Variants in PLEKHM3 observed in about 807,000 individuals in gnomAD.
PLEKHM3 encodes pleckstrin homology domain containing M3.
Under a neutral mutation model 81.8 loss-of-function variants are expected in PLEKHM3, and 45 were observed. That is an observed-to-expected ratio of 0.55 (90% CI 0.43 to 0.71). The LOEUF is 0.71. Among genes scored for constraint, PLEKHM3 ranks in the 30% least tolerant of loss-of-function variants. The pLI, the probability that PLEKHM3 is intolerant of heterozygous loss-of-function variation, is 0.00. For synonymous variants in PLEKHM3, 352 were observed against 356.4 expected (o/e 0.99, Z 0.14); for missense variants, 788 against 924.3 (o/e 0.85, Z 1.91).
At chr2:207,953,774 A>G (rs1307450973) in intron 3 of PLEKHM3, among the ~76,000 whole-genome samples, 2 of 150,826 alleles carry the variant, frequency 1.3e-5, no homozygotes, top group African/African-American at 2.4e-5. Context: ...CAGTGAGCTG[A>G]GATTGTGCCA....
At chr2:207,906,478 G>C (rs1464255046) in intron 6 of PLEKHM3, among the ~76,000 whole-genome samples, 1 of 152,190 alleles carries the variant, frequency 6.6e-6, no homozygotes, top group Non-Finnish European at 1.5e-5. Flanking sequence ...CTAACATCAT[G>C]TCTGCCATTT....
At chr2:207,948,276 C>G (rs562136519) in intron 3 of PLEKHM3, among the ~76,000 whole-genome samples, 1 of 151,744 alleles carries the variant, frequency 6.6e-6, no homozygotes, top group African/African-American at 2.4e-5. Context: ...TGGCATTTAG[C>G]GCGTGCCTCT....
intron 5 of PLEKHM3, among the ~76,000 whole-genome samples, chr2:207,913,532 C>A (rs1688878005): frequency 2.0e-5 from 3 of 152,046 alleles, no homozygotes; most frequent in Non-Finnish European, 4.4e-5. Context: ...AAGGAAGACT[C>A]TCATGAGGCC....
intron 6 of PLEKHM3, among the ~76,000 whole-genome samples, chr2:207,877,698 C>A (rs2092566053): frequency 6.6e-6 from 1 of 152,100 alleles, no homozygotes; most frequent in Non-Finnish European, 1.5e-5. Context: ...AGGTAAAGTG[C>A]ATAAATGTTA....
At chr2:207,922,063 C>T (rs534540330) in intron 5 of PLEKHM3, among the ~76,000 whole-genome samples, 1 of 152,308 alleles carries the variant, frequency 6.6e-6, no homozygotes, top group East Asian at 1.9e-4. Flanking sequence ...GCTCCATGCT[C>T]TTTTCCATAG....
At chr2:207,983,336 C>G (rs1227964536) in intron 2 of PLEKHM3, among the ~76,000 whole-genome samples, 2 of 152,184 alleles carry the variant, frequency 1.3e-5, no homozygotes, top group Non-Finnish European at 2.9e-5. Context: ...CAGGCGTGAG[C>G]CACCACGCCT....
intron 3 of PLEKHM3, among the ~76,000 whole-genome samples, chr2:207,975,559 C>T (rs370110525): frequency 2.3e-5 from 3 of 130,642 alleles, no homozygotes; most frequent in East Asian, 5.0e-4. Flanking sequence ...ATATCTAGAT[C>T]GGGTTCAGTG....
At chr2:207,882,443 C>T (rs901431765) in intron 6 of PLEKHM3, among the ~76,000 whole-genome samples, 2 of 151,986 alleles carry the variant, frequency 1.3e-5, no homozygotes, top group Non-Finnish European at 2.9e-5. Flanking sequence ...GAAACCCCAT[C>T]TCTACTAAAA....
intron 5 of PLEKHM3, among the ~76,000 whole-genome samples, chr2:207,922,437 T>C (rs1212517601): frequency 6.6e-6 from 1 of 152,212 alleles, no homozygotes. Flanking sequence ...TCTTCTATTT[T>C]AGGTTTTGAG....
At chr2:207,874,941 C>G (rs2092553180) in intron 6 of PLEKHM3, among the ~76,000 whole-genome samples, 1 of 151,360 alleles carries the variant, frequency 6.6e-6, no homozygotes, top group Non-Finnish European at 1.5e-5. Flanking sequence ...AAAAAGAAAA[C>G]CATAAAATAT....
At chr2:208,013,162 G>A (rs772451138) in intron 1 of PLEKHM3, among the ~76,000 whole-genome samples, 3 of 152,176 alleles carry the variant, frequency 2.0e-5, no homozygotes, top group Non-Finnish European at 2.9e-5. Flanking sequence ...TACTTCAGTC[G>A]AAAGAAATCA....
chr2:207,964,339 C>T (rs1322026960), intron 3 of PLEKHM3, among the ~76,000 whole-genome samples: 1 of 152,158 alleles, frequency 6.6e-6, no homozygotes, highest in Non-Finnish European at 1.5e-5. Flanking sequence ...GGGAAGGGTC[C>T]AGTCATCCCT....
At chr2:207,897,147 A>C (rs1391658003) in intron 6 of PLEKHM3, among the ~76,000 whole-genome samples, 1 of 152,198 alleles carries the variant, frequency 6.6e-6, no homozygotes, top group Non-Finnish European at 1.5e-5. Flanking sequence ...AAATGAAGCT[A>C]TTCTGCATTC....
At chr2:207,955,365 T>C (rs1393613890) in intron 3 of PLEKHM3, among the ~76,000 whole-genome samples, 1 of 152,174 alleles carries the variant, frequency 6.6e-6, no homozygotes, top group East Asian at 1.9e-4. Context: ...TACTTCTATG[T>C]TCTTTCCCCA....
At chr2:207,936,366 C>T (rs1200243190) in intron 4 of PLEKHM3, among the ~76,000 whole-genome samples, 1 of 152,130 alleles carries the variant, frequency 6.6e-6, no homozygotes, top group African/African-American at 2.4e-5. Flanking sequence ...GAACAGTGAG[C>T]ACAATAAATA....
At chr2:207,958,953 T>A (rs1690633457) in intron 3 of PLEKHM3, among the ~76,000 whole-genome samples, 2 of 152,010 alleles carry the variant, frequency 1.3e-5, no homozygotes, top group African/African-American at 4.8e-5. Flanking sequence ...ATAAACTATC[T>A]TACTGGAATG....
chr2:207,884,046 C>T (rs867655961), intron 6 of PLEKHM3, among the ~76,000 whole-genome samples: 11 of 152,212 alleles, frequency 7.2e-5, no homozygotes, highest in Middle Eastern at 3.4e-3. Context: ...CGCCTGTAAT[C>T]GCAGCACTTT....
At position 207,946,482 on chromosome 2, in the gene PLEKHM3, C is replaced by T. The variant is rs1690134132; in HGVS notation, c.1577G>A (p.Gly526Glu). The T allele has an allele frequency of 6.2e-7, 1 of 1,614,092 alleles. No individual in the cohort carries two copies. The highest frequency in any genetic ancestry group is 1.7e-5 in the Admixed American group (1 of 60,010). The change falls in exon 4 of 8, where the codon GGG becomes GAG. Residue 526 changes from glycine to glutamate, a missense_variant. Coordinates refer to ENST00000427836, the MANE Select transcript of PLEKHM3 (RefSeq NM_001080475.3). Reference sequence around the variant, plus strand: ...ACTGTAGTTGCACACCTTGGCTTTCCCATTGGAAAGACCTATGGATCGCTG... The same window carrying T: ...ACTGTAGTTGCACACCTTGGCTTTCTCATTGGAAAGACCTATGGATCGCTG... ...GCQRSIGLSN[G>E]KAKVCNYSGW...
chr2:207,862,418 C>A (rs201140521), intron 6 of PLEKHM3, among the ~76,000 whole-genome samples: 1 of 107,588 alleles, frequency 9.3e-6, no homozygotes, highest in Non-Finnish European at 2.3e-5. Flanking sequence ...AGACAGATTG[C>A]CTGAGGTTAG....
Sources: gnomAD v4.1 joint callset for allele counts (sites outside exome capture counted in the v4.1 genomes callset) on GRCh38, gnomAD v4.1.1 for gene constraint, MANE v1.5 for transcripts, NCBI Gene and HGNC (gene_info 2026-07-23, HGNC 2026-07-21) for gene names.